The following RALB variants were observed in gnomAD, a reference collection of about 807,000 sequenced individuals.
RALB encodes the protein RAS like proto-oncogene B.
In RALB, 16 loss-of-function variants were observed where a neutral mutation model predicts 21.3. The observed-to-expected ratio is 0.75, with a 90% confidence interval of 0.51 to 1.14. RALB has a LOEUF of 1.14. Ranked by LOEUF, RALB falls within the 50% of genes most tolerant of loss-of-function variation. RALB has a pLI of 0.00. For synonymous variants in RALB, 93 were observed against 96.1 expected (o/e 0.97, Z 0.19); for missense variants, 161 against 256.2 (o/e 0.63, Z 2.54).
chr2:120,256,618 G>C (rs1418993966), intron 1 of RALB, among the ~76,000 whole-genome samples: 1 of 152,098 alleles, frequency 6.6e-6, no homozygotes, highest in African/African-American at 2.4e-5. Context: ...TGCCATGATT[G>C]TAAGTTTCCT....
intron 2 of RALB, among the ~76,000 whole-genome samples, chr2:120,280,632 A>T (rs1273356904): frequency 2.6e-5 from 4 of 151,988 alleles, no homozygotes; most frequent in Non-Finnish European, 5.9e-5. Flanking sequence ...ATGGGTCGAT[A>T]GGTGCAGCAA....
Position 120,253,103 on chromosome 2 carries a change from A to C in RALB, c.-48+123A>C, listed in dbSNP as rs1462757206. 7 of 675,574 alleles carry C rather than the reference A, an allele frequency of 1.0e-5. No individual in the cohort carries two copies. In the East Asian group the frequency reaches 5.4e-4, roughly 53 times the overall value. The allele number at this position is 675,574 out of a possible 1,614,324, so 41.8% of individuals were successfully genotyped here. ...GGCTGTGGCCGGGCGGCGGCAGGAC[A>C]TGTCGCGCCCCGAGGCCGGCGGAGG... On this transcript the variant is annotated intron_variant, in intron 1 of 4. Transcript: ENST00000272519.
chr2:120,266,495 C>T (rs958943039), intron 1 of RALB, among the ~76,000 whole-genome samples: 1 of 152,186 alleles, frequency 6.6e-6, no homozygotes, highest in Non-Finnish European at 1.5e-5. Flanking sequence ...GATCTGCCCA[C>T]CTTGGCCTCC....
intron 3 of RALB, among the ~76,000 whole-genome samples, chr2:120,288,776 C>T (rs1190985276): frequency 1.3e-5 from 2 of 151,830 alleles, no homozygotes; most frequent in Non-Finnish European, 2.9e-5. Context: ...TAGGGCTTGT[C>T]GTATTTCCTT....
At chr2:120,274,559 G>A (rs1689745999) in intron 1 of RALB, among the ~76,000 whole-genome samples, 1 of 152,048 alleles carries the variant, frequency 6.6e-6, no homozygotes. Context: ...TACATGAAAA[G>A]TAACTTGCAA....
At chr2:120,281,328 C>T (rs559741671) in intron 2 of RALB, among the ~76,000 whole-genome samples, 21 of 152,368 alleles carry the variant, frequency 1.4e-4, no homozygotes, top group Admixed American at 7.8e-4. Flanking sequence ...AGTCTCCAGC[C>T]AGCCTAGACG....
chr2:120,269,652 C>T (rs1443837120), intron 1 of RALB, among the ~76,000 whole-genome samples: 5 of 152,170 alleles, frequency 3.3e-5, no homozygotes, highest in Admixed American at 6.5e-5. Context: ...TTTTACAATC[C>T]TCTTGTAAGA....
chr2:120,254,732 G>T (rs998507469), intron 1 of RALB, among the ~76,000 whole-genome samples: 4 of 152,130 alleles, frequency 2.6e-5, no homozygotes, highest in African/African-American at 9.7e-5. Context: ...GGCTGGAGTG[G>T]AGTGGTGTGA....
At chr2:120,283,530 T>A (rs934248147) in intron 2 of RALB, among the ~76,000 whole-genome samples, 15 of 152,226 alleles carry the variant, frequency 9.9e-5, no homozygotes, top group Non-Finnish European at 1.8e-4. Context: ...GTCTTTATTC[T>A]TGTCTAAGTT....
intron 2 of RALB, among the ~76,000 whole-genome samples, chr2:120,281,273 G>A (rs1689984131): frequency 6.6e-6 from 1 of 152,208 alleles, no homozygotes; most frequent in Non-Finnish European, 1.5e-5. Context: ...CGTCTCCATA[G>A]GCAGCTCATA....
At chr2:120,275,811 G>A (rs1294724320) in intron 1 of RALB, among the ~76,000 whole-genome samples, 1 of 152,182 alleles carries the variant, frequency 6.6e-6, no homozygotes, top group Non-Finnish European at 1.5e-5. Flanking sequence ...GGAAATCAAG[G>A]ATGCAGACAC....
chr2:120,284,369 G>A (rs529237961), intron 2 of RALB, among the ~76,000 whole-genome samples: 1 of 151,448 alleles, frequency 6.6e-6, no homozygotes, highest in African/African-American at 2.4e-5. Context: ...AAGATGTAAT[G>A]CACATATGAA....
chr2:120,288,788 C>T (rs1007574461), intron 3 of RALB, among the ~76,000 whole-genome samples: 3 of 152,030 alleles, frequency 2.0e-5, no homozygotes, highest in African/African-American at 7.2e-5. Flanking sequence ...TATTTCCTTT[C>T]ATTTTTTTCA....
rs555469776 is a variant in RALB, at chr2:120,290,724, A to C, written c.501+967A>C. 5.9e-5 allele frequency among the ~76,000 whole-genome samples: 9 copies of C among 152,086 alleles called. No homozygotes were observed. The East Asian group carries it at 1.7e-3, about 29-fold the overall frequency. ...AGGGTGACCTTGAGTGACAATGATGAATGCTGACAATTTGAAAATCCACCT... is the reference window on the plus strand; with the variant it reads ...AGGGTGACCTTGAGTGACAATGATGCATGCTGACAATTTGAAAATCCACCT... On this transcript the variant is annotated intron_variant, in intron 4 of 4. Transcript: ENST00000272519.
chr2:120,272,459 C>T (rs143703053), intron 1 of RALB, among the ~76,000 whole-genome samples: 12 of 152,162 alleles, frequency 7.9e-5, no homozygotes, highest in African/African-American at 2.9e-4. Context: ...GAGAGAGGGA[C>T]GACAGATGAA....
At chr2:120,279,704 A>G (rs78727664) in intron 2 of RALB, among the ~76,000 whole-genome samples, 10 of 93,196 alleles carry the variant, frequency 1.1e-4, no homozygotes, top group Non-Finnish European at 1.4e-4. Flanking sequence ...TAGTACAGGC[A>G]GGGAGAGTGT....
intron 1 of RALB, among the ~76,000 whole-genome samples, chr2:120,260,442 G>A (rs2104591846): frequency 6.6e-6 from 1 of 152,386 alleles, no homozygotes; most frequent in South Asian, 2.1e-4. Flanking sequence ...GGCAGGGGCA[G>A]CAGCAAGGCT....
At position 120,277,074 on chromosome 2, in the gene RALB, TG is replaced by T. The variant is rs1689815742; in HGVS notation, c.-47-1542del. On this transcript the variant is annotated intron_variant, in intron 1 of 4. Coordinates refer to ENST00000272519, the MANE Select transcript of RALB (RefSeq NM_002881.3). The stretch of plus-strand genomic sequence containing the variant: ...GGGATGCTTTGTTGTCCCATAATAC[TG>T]GAGTTGCTCTACTCATTTTATCTTC... Among the ~76,000 whole-genome samples the T allele has an allele frequency of 3.3e-5, 5 of 152,352 alleles. No homozygotes were observed. In the South Asian group the frequency reaches 6.2e-4, roughly 19 times the overall value.
At chr2:120,292,914 A>G (rs1690341264) in intron 4 of RALB, among the ~76,000 whole-genome samples, 1 of 152,194 alleles carries the variant, frequency 6.6e-6, no homozygotes, top group Admixed American at 6.5e-5. Flanking sequence ...AGAATTTTTT[A>G]AGGTTAATTT....
Sources: allele counts gnomAD v4.1 joint callset (sites outside exome capture counted in the v4.1 genomes callset), GRCh38; gene constraint gnomAD v4.1.1; transcripts MANE v1.5; gene names NCBI Gene and HGNC (gene_info 2026-07-23, HGNC 2026-07-21).